The following TIGAR variants were observed in gnomAD, a reference collection of about 807,000 sequenced individuals.
The protein encoded by TIGAR is TP53 induced glycolysis regulatory phosphatase.
Under a neutral mutation model 17.9 loss-of-function variants are expected in TIGAR, and 7 were observed. The ratio of observed to expected loss-of-function variants is 0.39; its 90% confidence interval spans 0.22 to 0.73. The LOEUF is 0.73. TIGAR is among the 30% of genes least tolerant of loss of function. The pLI is 0.42. For synonymous variants in TIGAR, 94 were observed against 108.6 expected (o/e 0.87, Z 0.84); for missense variants, 258 against 327.4 (o/e 0.79, Z 1.64).
chr12:4,336,974 T>C (rs1864666956), intron 2 of TIGAR, 65 bp from the exon 3 acceptor site: 13 of 1,404,906 alleles, frequency 9.3e-6, no homozygotes, highest in Non-Finnish European at 1.2e-5. Context: ...ATTTTCTACA[T>C]GTGATTTATA....
At chr12:4,329,089 A>G (rs544481224) in intron 1 of TIGAR, among the ~76,000 whole-genome samples, 4 of 151,886 alleles carry the variant, frequency 2.6e-5, no homozygotes, top group Non-Finnish European at 5.9e-5. Context: ...CTTTCTTTTT[A>G]TATTACTCTA....
chr12:4,348,578 A>G (rs977927962), intron 3 of TIGAR, among the ~76,000 whole-genome samples: 1 of 152,230 alleles, frequency 6.6e-6, no homozygotes, highest in Admixed American at 6.5e-5. Flanking sequence ...GAGATTCTGA[A>G]GTAACTTTGA....
At chr12:4,322,089 G>C (rs1233984805) in intron 1 of TIGAR, among the ~76,000 whole-genome samples, 1 of 151,970 alleles carries the variant, frequency 6.6e-6, no homozygotes, top group Non-Finnish European at 1.5e-5. Flanking sequence ...TCCCGCCTCC[G>C]GGGTTCAAGC....
At chr12:4,337,396 G>T (rs1367241539) in intron 3 of TIGAR, among the ~76,000 whole-genome samples, 1 of 152,148 alleles carries the variant, frequency 6.6e-6, no homozygotes, top group African/African-American at 2.4e-5. Context: ...CTAACCTCAG[G>T]TGATCCACTT....
At chr12:4,340,560 ATG>A (rs1864708636) in intron 3 of TIGAR, among the ~76,000 whole-genome samples, 1 of 152,248 alleles carries the variant, frequency 6.6e-6, no homozygotes, top group South Asian at 2.1e-4. Flanking sequence ...CCTAAAATTT[ATG>A]TGGAACTGCA....
intron 3 of TIGAR, 109 bp from the exon 4 acceptor site, chr12:4,349,710 C>T: frequency 1.1e-6 from 1 of 897,748 alleles, no homozygotes. Flanking sequence ...AGCCACCGTG[C>T]CTGGTTCTAG....
At chr12:4,332,594 T>C (rs764440635) in intron 2 of TIGAR, among the ~76,000 whole-genome samples, 23 of 152,350 alleles carry the variant, frequency 1.5e-4, no homozygotes, top group Admixed American at 5.9e-4. Context: ...GCCCGTAGTT[T>C]TGACACGTGG....
In TIGAR at chr12:4,352,875, A is replaced by G; in HGVS notation, c.*184A>G. On this transcript the variant is annotated 3_prime_UTR_variant, in exon 6 of 6. Coordinates refer to ENST00000179259, the MANE Select transcript of TIGAR (RefSeq NM_020375.3). ...CATATAGAATTAACTTATTTTGTCC[A>G]AGTACAGTTGGCATTTTCCAGAATA... 5.4e-6 allele frequency: 3 copies of G among 558,422 alleles called. No homozygotes were observed. Among genetic ancestry groups the G allele is most frequent in the Non-Finnish European group, 6.2e-6 (2 of 323,104 alleles). 34.6% of individuals were successfully genotyped at this position (558,422 alleles called of 1,614,324 possible). A position where few individuals can be genotyped will look rare whatever the true frequency, so the allele number is the denominator to read the frequency against.
intron 3 of TIGAR, among the ~76,000 whole-genome samples, chr12:4,343,551 A>G (rs1591663935): frequency 6.6e-6 from 1 of 152,256 alleles, no homozygotes; most frequent in Non-Finnish European, 1.5e-5. Flanking sequence ...CCATAGTGCA[A>G]TCAAACTAGA....
chr12:4,327,114 A>ACT (rs1181559576), intron 1 of TIGAR, among the ~76,000 whole-genome samples: 1 of 152,196 alleles, frequency 6.6e-6, no homozygotes, highest in Non-Finnish European at 1.5e-5. Context: ...TAGACAGAGA[A>ACT]AGGAAGTGAC....
intron 1 of TIGAR, 24 bp from the exon 2 acceptor site, chr12:4,331,256 G>A (rs373660965): frequency 1.9e-6 from 3 of 1,599,194 alleles, no homozygotes; most frequent in African/African-American, 1.3e-5. Context: ...GGCTAATAAG[G>A]TTGTCCTTCT....
intron 1 of TIGAR, among the ~76,000 whole-genome samples, chr12:4,328,854 C>T (rs1282356693): frequency 1.3e-5 from 2 of 152,172 alleles, no homozygotes; most frequent in Non-Finnish European, 2.9e-5. Context: ...GGATTACAGG[C>T]GTGAGCCACC....
intron 3 of TIGAR, among the ~76,000 whole-genome samples, chr12:4,344,635 T>C (rs1565449392): frequency 6.6e-6 from 1 of 152,190 alleles, no homozygotes; most frequent in Non-Finnish European, 1.5e-5. Context: ...CACATGATTA[T>C]CTCAATAGAT....
intron 3 of TIGAR, among the ~76,000 whole-genome samples, chr12:4,345,618 G>T (rs1325983424): frequency 3.9e-5 from 6 of 152,152 alleles, no homozygotes; most frequent in South Asian, 4.1e-4. Flanking sequence ...TCAAGATGGA[G>T]TAAAGACTTA....
intron 1 of TIGAR, among the ~76,000 whole-genome samples, chr12:4,328,010 C>G (rs1864565266): frequency 6.6e-6 from 1 of 152,052 alleles, no homozygotes; most frequent in Non-Finnish European, 1.5e-5. Flanking sequence ...TATTCTTGGT[C>G]TCAGCAAGAT....
chr12:4,326,914 A>G (rs11063081), intron 1 of TIGAR, among the ~76,000 whole-genome samples: 34,584 of 151,946 alleles, frequency 0.23, 4,271 homozygotes, highest in Admixed American at 0.28. Flanking sequence ...ATTTCTTCTC[A>G]CCCCTCATTT....
intron 3 of TIGAR, among the ~76,000 whole-genome samples, chr12:4,341,699 TAACA>T (rs1565448769): frequency 1.3e-5 from 2 of 152,226 alleles, no homozygotes; most frequent in East Asian, 3.9e-4. Flanking sequence ...GAAGGAAAAC[TAACA>T]AACAGAAAGG....
chr12:4,328,230 C>T (rs766118562), intron 1 of TIGAR, among the ~76,000 whole-genome samples: 12 of 151,942 alleles, frequency 7.9e-5, no homozygotes, highest in Non-Finnish European at 1.0e-4. Flanking sequence ...TTGCTTTTGT[C>T]GCCCAGGCTG....
intron 2 of TIGAR, among the ~76,000 whole-genome samples, chr12:4,333,553 C>A (rs893348997): frequency 2.0e-5 from 3 of 152,186 alleles, no homozygotes; most frequent in Non-Finnish European, 4.4e-5. Flanking sequence ...CCTGCAACCT[C>A]CACCTCCCGG....
Sources: allele counts gnomAD v4.1 joint callset (sites outside exome capture counted in the v4.1 genomes callset), GRCh38; gene constraint gnomAD v4.1.1; transcripts MANE v1.5; gene names NCBI Gene and HGNC (gene_info 2026-07-23, HGNC 2026-07-21).